The following PHF19 variants were observed in gnomAD, a reference collection of about 807,000 sequenced individuals.
PHF19 encodes the protein PHD finger protein 19.
In PHF19, 21 loss-of-function variants were observed where a neutral mutation model predicts 79.8. The ratio of observed to expected loss-of-function variants is 0.26; its 90% CI spans 0.19 to 0.38. The LOEUF (loss-of-function observed/expected upper bound fraction) is 0.38, where lower values mean the gene tolerates loss of function less well. Ranked by LOEUF, PHF19 falls within the 10% of genes least tolerant of loss-of-function variation. The pLI is 1.00. For missense variants in PHF19, 445 were observed against 744.2 expected, an observed-to-expected ratio of 0.60 and a Z score of 4.68; for synonymous variants, 273 against 296.3, an observed-to-expected ratio of 0.92 and a Z score of 0.81.
At chr9:120,902,093 C>T in the PHF19 span, among the ~76,000 whole-genome samples, 1 of 152,190 alleles carries the variant, frequency 6.6e-6, no homozygotes, top group Non-Finnish European at 1.5e-5. Flanking sequence ...CACAAACCCT[C>T]TTCCCTGCCA....
the PHF19 span, among the ~76,000 whole-genome samples, chr9:120,901,317 C>T: frequency 1.9e-4 from 29 of 152,122 alleles, no homozygotes; most frequent in South Asian, 1.9e-3. Flanking sequence ...CTCTGCCTCC[C>T]GAGTAGCTGG....
chr9:120,862,819 G>C lies in PHF19; in HGVS notation c.969-70C>G. 3.5e-6 allele frequency: 5 copies of C among 1,442,670 alleles called. No individual in the cohort carries two copies. Among genetic ancestry groups the C allele is most frequent in the Non-Finnish European group, 4.9e-6 (5 of 1,029,322 alleles). 89.4% of individuals were successfully genotyped at this position (1,442,670 alleles called of 1,614,324 possible). A position where few individuals can be genotyped will look rare whatever the true frequency, so the allele number is the denominator to read the frequency against. ...CCATCCTCCTGGGGAGTGGGGTCAA[G>C]CATGACACAAGCCTCTCTGCCTCCT... is the stretch of plus-strand genomic sequence containing the variant. On this transcript the variant is annotated intron_variant, in intron 10 of 14. Transcript: ENST00000373896. The surrounding 1 kb of genome is among the most constrained non-coding windows in gnomAD (Gnocchi z 4.6).
chr9:120,857,849 C>T lies in PHF19; in HGVS notation c.*95G>A. The T allele has an allele frequency of 1.4e-6, 1 of 739,624 alleles. No individual in the cohort carries two copies. Among genetic ancestry groups the T allele is most frequent in the South Asian group, 1.9e-5 (1 of 53,576 alleles). The allele number at this position is 739,624 out of a possible 1,614,324, so 45.8% of individuals were successfully genotyped here. Reference sequence around the variant, plus strand: ...AGGCACTTGCAGCTCTGTCCTGCTTCCTTCTCCCACCCCAGCCTGGAGAAA... The same window carrying T: ...AGGCACTTGCAGCTCTGTCCTGCTTTCTTCTCCCACCCCAGCCTGGAGAAA... On this transcript the variant is annotated 3_prime_UTR_variant, in exon 15 of 15. Coordinates refer to ENST00000373896, the MANE Select transcript of PHF19 (RefSeq NM_015651.3).
chr9:120,894,758 C>G, intron 1 of PHF19: 1 of 1,206,226 alleles, frequency 8.3e-7, no homozygotes, highest in East Asian at 3.2e-5. Context: ...GCGCCCGCCC[C>G]GCGGGTTCTT....
the PHF19 span, among the ~76,000 whole-genome samples, chr9:120,900,854 T>C: frequency 1.3e-5 from 2 of 152,194 alleles, no homozygotes; most frequent in South Asian, 2.1e-4. Context: ...GCGTGAGCCA[T>C]TGTGCTTGGC....
rs1214502871 is a variant in PHF19 at position 120,870,296 on chromosome 9, C to T, written c.364+147G>A. 2.5e-5 allele frequency: 17 copies of T among 671,844 alleles called. No homozygotes were observed. The highest frequency in any genetic ancestry group is 2.4e-5 in the Non-Finnish European group (9 of 376,340). The allele number at this position is 671,844 out of a possible 1,614,324, so 41.6% of individuals were successfully genotyped here. A position where few individuals can be genotyped will look rare whatever the true frequency, so the allele number is the denominator to read the frequency against. On this transcript the variant is annotated intron_variant, in intron 4 of 14. Coordinates refer to ENST00000373896, the MANE Select transcript of PHF19 (RefSeq NM_015651.3). The surrounding 1 kb of genome is among the most constrained non-coding windows in gnomAD (Gnocchi z 4.4). ...GGATCTCTTCCCAAGCCCTCACTTA[C>T]AGCAACTGGCCCCCTTTCACCCTGC...
At position 120,858,229 on chromosome 9, in the gene PHF19, C is replaced by T. The variant is rs142439188; in HGVS notation, c.1458G>A (p.Arg486=). ...CCAGCTCAGCTGCCCACCGCTTTGCCCGCAGGGGCATGTATGCCTTGGCTG... is the reference window on the plus strand; with the variant it reads ...CCAGCTCAGCTGCCCACCGCTTTGCTCGCAGGGGCATGTATGCCTTGGCTG... ...KLAAKAYMPL[R]AKRWAAELDG... is the part of the protein sequence containing the mutation. The change falls in exon 15 of 15, where the codon CGG becomes CGA. Residue 486 remains arginine, a synonymous_variant. Transcript: ENST00000373896. 16 of 1,572,376 alleles carry T rather than the reference C, an allele frequency of 1.0e-5. No individual in the cohort carries two copies. The highest frequency in any genetic ancestry group is 3.4e-4 in the Middle Eastern group (2 of 5,928).
chr9:120,861,952 C>G lies in PHF19; in HGVS notation c.1184G>C (p.Arg395Thr). 6.2e-7 allele frequency: 1 copy of G among 1,613,692 alleles called. No individual in the cohort carries two copies. The highest frequency in any genetic ancestry group is 8.5e-7 in the Non-Finnish European group (1 of 1,179,538). ...AGCATCTTCCAGCAAAAACTTTGATCTTTTTCTTCTATAAACTCGCCTTTT... is the reference window on the plus strand; with the variant it reads ...AGCATCTTCCAGCAAAAACTTTGATGTTTTTCTTCTATAAACTCGCCTTTT... Reference protein sequence around the residue: ...QQKRRVYRRKRSKFLLEDAIP... With the variant: ...QQKRRVYRRKTSKFLLEDAIP... The change falls in exon 12 of 15, where the codon AGA (arginine) becomes ACA (threonine). Residue 395 changes from arginine (R) to threonine (T), a missense_variant. This residue lies in a region of PHF19 where 83 missense variants were observed against 85.5 expected (regional missense o/e 0.97). Coordinates refer to ENST00000373896, the MANE Select transcript of PHF19 (RefSeq NM_015651.3).
At chr9:120,892,536 T>C (rs193269261) in intron 1 of PHF19, among the ~76,000 whole-genome samples, 57 of 152,304 alleles carry the variant, frequency 3.7e-4, no homozygotes, top group African/African-American at 1.3e-3. Context: ...TGTGCCAGTG[T>C]CTTATGGACA....
In PHF19 at chr9:120,857,545, G is replaced by A. The variant is rs2045387895; in HGVS notation, c.*399C>T. 1 of 173,696 alleles carries A rather than the reference G, an allele frequency of 5.8e-6. No homozygotes were observed. Among genetic ancestry groups the A allele is most frequent in the African/African-American group, 2.4e-5 (1 of 42,362 alleles). The allele number at this position is 173,696 out of a possible 1,614,324, so 10.8% of individuals were successfully genotyped here. A position where few individuals can be genotyped will look rare whatever the true frequency, so the allele number is the denominator to read the frequency against. On this transcript the variant is annotated 3_prime_UTR_variant, in exon 15 of 15. Coordinates refer to ENST00000373896, the MANE Select transcript of PHF19 (RefSeq NM_015651.3). ...GGTCACGTGTGAAGGGGATCCAGTG[G>A]AGGGACAGCTGTGCACACACAGGAT...
At position 120,862,941 on chromosome 9, in the gene PHF19, G is replaced by A. The variant is rs1384444892; in HGVS notation, c.969-192C>T. The A allele has an allele frequency of 1.7e-6, 1 of 587,692 alleles. No individual in the cohort carries two copies. The highest frequency in any genetic ancestry group is 3.0e-6 in the Non-Finnish European group (1 of 328,106). The allele number at this position is 587,692 out of a possible 1,614,324, so 36.4% of individuals were successfully genotyped here. On this transcript the variant is annotated intron_variant, in intron 10 of 14. Transcript: ENST00000373896. The surrounding 1 kb of genome is among the most constrained non-coding windows in gnomAD (Gnocchi z 4.6). ...CCAGGTAGCAGCTGAGAACACGGCT[G>A]GTGCCTCCTCCCTGTGCTTCCTCCT... is the stretch of plus-strand genomic sequence containing the variant.
chr9:120,869,804 G>A lies in PHF19; in HGVS notation c.465+41C>T, dbSNP rs1265274300. The A allele has an allele frequency of 8.7e-6, 14 of 1,612,148 alleles. No individual in the cohort carries two copies. Among genetic ancestry groups the A allele is most frequent in the Non-Finnish European group, 1.2e-5 (14 of 1,179,290 alleles). On this transcript the variant is annotated intron_variant, in intron 5 of 14. Coordinates refer to ENST00000373896, the MANE Select transcript of PHF19 (RefSeq NM_015651.3). This position sits in a 1 kb window ranked among gnomAD's most constrained non-coding sequence, Gnocchi z 5.8. Reference sequence around the variant, plus strand: ...GAGTCTCTGGTCTGCCCCACTGGAGGAGGCAGGAGAGGCAGGGACTGGGGA... The same window carrying A: ...GAGTCTCTGGTCTGCCCCACTGGAGAAGGCAGGAGAGGCAGGGACTGGGGA...
chr9:120,889,892 A>G (rs189116903), intron 1 of PHF19, among the ~76,000 whole-genome samples: 5 of 152,182 alleles, frequency 3.3e-5, no homozygotes, highest in African/African-American at 1.2e-4. Context: ...GACAGGCTCT[A>G]GGATCTGGAC....
chr9:120,858,289 G>T lies in PHF19; in HGVS notation c.1401-3C>A. The T allele has an allele frequency of 6.6e-7, 1 of 1,518,264 alleles. No homozygotes were observed. Among genetic ancestry groups the T allele is most frequent in the South Asian group, 1.3e-5 (1 of 77,214 alleles). 94.0% of individuals were successfully genotyped at this position (1,518,264 alleles called of 1,614,324 possible). ...TCTTTCGGCTGCCCACTGTCCATCTGTATCAGAAGTGGGAGAGGAAGATGA... is the reference window on the plus strand; with the variant it reads ...TCTTTCGGCTGCCCACTGTCCATCTTTATCAGAAGTGGGAGAGGAAGATGA... On this transcript the variant is annotated splice_polypyrimidine_tract_variant and splice_region_variant and intron_variant, in intron 14 of 14. Coordinates refer to ENST00000373896, the MANE Select transcript of PHF19 (RefSeq NM_015651.3).
At position 120,858,821 on chromosome 9, in the gene PHF19, A is replaced by ACACT. The variant is rs751672106; in HGVS notation, c.1401-536_1401-535insAGTG. On this transcript the variant is annotated intron_variant, in intron 14 of 14. Transcript: ENST00000373896. Reference sequence around the variant, plus strand: ...AGAGACTGACAGACATCACACACACACACACACACACACACACACACACAC... The same window carrying ACACT: ...AGAGACTGACAGACATCACACACACACACTCACACACACACACACACACACACAC... Among the ~76,000 whole-genome samples, 807 of 149,816 alleles carry ACACT rather than the reference A, an allele frequency of 5.4e-3. 5 individuals are homozygous for ACACT. The highest frequency in any genetic ancestry group is 0.01 in the Middle Eastern group (3 of 288).
chr9:120,870,492 C>G lies in PHF19; in HGVS notation c.315G>C (p.Lys105Asn), dbSNP rs928402832. Reference protein sequence around the residue: ...EEPKCNICLGKTSGPLNEILI... With the variant: ...EEPKCNICLGNTSGPLNEILI... ...GGATCTCATTCAGCGGCCCTGATGT[C>G]TTCCCTAGGCAGATGTTGCACTTGG... Residue 105 changes from lysine (K) to asparagine (N), a missense_variant, in exon 4 of 15, where the codon AAG becomes AAC. Transcript: ENST00000373896. This position sits in a 1 kb window ranked among gnomAD's most constrained non-coding sequence, Gnocchi z 4.4. 35 of 1,613,666 alleles carry G rather than the reference C, an allele frequency of 2.2e-5. No homozygotes were observed. The highest frequency in any genetic ancestry group is 3.0e-5 in the Non-Finnish European group (35 of 1,179,628).
chr9:120,893,644 T>C (rs1320645978), intron 1 of PHF19, among the ~76,000 whole-genome samples: 3 of 152,232 alleles, frequency 2.0e-5, no homozygotes, highest in Non-Finnish European at 2.9e-5. Flanking sequence ...GATGCACGCA[T>C]GCTTTAGAAA....
upstream of PHF19, among the ~76,000 whole-genome samples, chr9:120,896,474 C>T (rs1457940795): frequency 3.7e-5 from 4 of 107,144 alleles, no homozygotes; most frequent in Admixed American, 1.3e-4. Flanking sequence ...TTTTTTGAGA[C>T]GGAGTTTCGC....
intron 14 of PHF19, among the ~76,000 whole-genome samples, chr9:120,858,819 A>ACACACT (rs5900465): frequency 0.012 from 1,741 of 144,238 alleles, 30 homozygotes; most frequent in Non-Finnish European, 0.017. Flanking sequence ...CATCACACAC[A>ACACACT]CACACACACA....
Sources: allele counts gnomAD v4.1 joint callset (sites outside exome capture counted in the v4.1 genomes callset), GRCh38; gene constraint gnomAD v4.1.1; regional missense constraint gnomAD v4.1.1; non-coding constraint Gnocchi (gnomAD v3.1); transcripts MANE v1.5; gene names NCBI Gene and HGNC (gene_info 2026-07-23, HGNC 2026-07-21).